Variants in TMEM117 observed in about 807,000 individuals in gnomAD.
The protein encoded by TMEM117 is transmembrane protein 117.
Under a neutral mutation model 52.4 loss-of-function variants are expected in TMEM117, and 27 were observed. That is an observed-to-expected ratio of 0.51 (90% CI 0.38 to 0.71). TMEM117 has a LOEUF of 0.71. Ranked by LOEUF, TMEM117 falls within the 30% of genes least tolerant of loss-of-function variation. TMEM117 has a pLI of 0.00. For synonymous variants in TMEM117, 215 were observed against 206.3 expected (o/e 1.04, Z -0.36); for missense variants, 556 against 630.5 (o/e 0.88, Z 1.26).
chr12:43,965,046 A>G (rs1460089866), intron 3 of TMEM117, among the ~76,000 whole-genome samples: 2 of 152,192 alleles, frequency 1.3e-5, no homozygotes, highest in African/African-American at 4.8e-5. Context: ...AGAGGCTCCA[A>G]CTGTGGCTGA....
At chr12:44,068,873 A>G (rs1947260349) in intron 3 of TMEM117, among the ~76,000 whole-genome samples, 1 of 152,202 alleles carries the variant, frequency 6.6e-6, no homozygotes, top group African/African-American at 2.4e-5. Context: ...ACAATGAAGT[A>G]AAGCACAATA....
At chr12:43,992,117 C>T (rs575255030) in intron 3 of TMEM117, among the ~76,000 whole-genome samples, 4 of 151,560 alleles carry the variant, frequency 2.6e-5, no homozygotes, top group South Asian at 2.1e-4. Flanking sequence ...GAGGTAAGAT[C>T]GCACCACTGC....
intron 5 of TMEM117, among the ~76,000 whole-genome samples, chr12:44,238,680 C>A (rs545162931): frequency 1.3e-5 from 2 of 152,258 alleles, no homozygotes; most frequent in East Asian, 3.9e-4. Context: ...CAAAACTCAA[C>A]CCAGTTGCAA....
At chr12:43,852,993 A>G (rs1286453472) in intron 2 of TMEM117, among the ~76,000 whole-genome samples, 1 of 152,370 alleles carries the variant, frequency 6.6e-6, no homozygotes, top group South Asian at 2.1e-4. Flanking sequence ...AGGCCACCTC[A>G]GAATGAGTTG....
chr12:44,120,387 T>C (rs1948213962), intron 3 of TMEM117, among the ~76,000 whole-genome samples: 1 of 152,144 alleles, frequency 6.6e-6, no homozygotes, highest in Admixed American at 6.5e-5. Context: ...AGCTTGACTA[T>C]AATAATAGTA....
intron 6 of TMEM117, among the ~76,000 whole-genome samples, chr12:44,332,439 T>C (rs1951283520): frequency 6.6e-6 from 1 of 152,038 alleles, no homozygotes; most frequent in African/African-American, 2.4e-5. Context: ...CCAAGTGGGC[T>C]TATTTAAGCC....
At chr12:43,931,028 T>C (rs1418369454) in intron 2 of TMEM117, among the ~76,000 whole-genome samples, 1 of 152,162 alleles carries the variant, frequency 6.6e-6, no homozygotes, top group Non-Finnish European at 1.5e-5. Context: ...CTCTTGACTC[T>C]TCACTGAGTA....
At chr12:44,304,886 A>G in intron 6 of TMEM117, among the ~76,000 whole-genome samples, 1 of 152,158 alleles carries the variant, frequency 6.6e-6, no homozygotes, top group East Asian at 1.9e-4. Flanking sequence ...AAACATCCCC[A>G]CCTGTGGTGG....
intron 2 of TMEM117, among the ~76,000 whole-genome samples, chr12:43,894,459 CAT>C (rs914403560): frequency 5.9e-5 from 9 of 151,888 alleles, no homozygotes; most frequent in Non-Finnish European, 7.4e-5. Context: ...CATAGGTAAA[CAT>C]GTGTCATGGG....
chr12:43,963,248 G>A (rs541961612), intron 3 of TMEM117, among the ~76,000 whole-genome samples: 2 of 151,528 alleles, frequency 1.3e-5, no homozygotes, highest in Non-Finnish European at 2.9e-5. Flanking sequence ...CTATGTGTAT[G>A]TGTAATATCC....
intron 5 of TMEM117, among the ~76,000 whole-genome samples, chr12:44,259,549 G>A (rs1193550332): frequency 6.6e-6 from 1 of 151,962 alleles, no homozygotes; most frequent in Non-Finnish European, 1.5e-5. Flanking sequence ...GAATGATGAT[G>A]GTCATTACGA....
chr12:44,221,145 G>A (rs1949782878), intron 5 of TMEM117, among the ~76,000 whole-genome samples: 1 of 152,080 alleles, frequency 6.6e-6, no homozygotes. Flanking sequence ...AGTTATCAGT[G>A]ATAAGTCATG....
intron 5 of TMEM117, among the ~76,000 whole-genome samples, chr12:44,280,965 G>A (rs1950569987): frequency 6.6e-6 from 1 of 152,162 alleles, no homozygotes; most frequent in South Asian, 2.1e-4. Context: ...CCAATCACAA[G>A]TGCTGTCATG....
At chr12:44,278,238 C>T (rs943932731) in intron 5 of TMEM117, among the ~76,000 whole-genome samples, 6 of 152,098 alleles carry the variant, frequency 3.9e-5, no homozygotes, top group Non-Finnish European at 4.4e-5. Flanking sequence ...ATAGGTTCTA[C>T]TCAGGATTAA....
chr12:44,311,869 A>ATATATATGTATATATGTATATATG lies in TMEM117; in HGVS notation c.768+12153_768+12154insGTATATATGTATATATGTATATAT, dbSNP rs1223933186. Among the ~76,000 whole-genome samples the ATATATATGTATATATGTATATATG allele has an allele frequency of 5.3e-4, 37 of 70,224 alleles. 1 individual carries two copies. The highest frequency in any genetic ancestry group is 2.1e-3 in the African/African-American group (33 of 16,022). The allele number at this position is 70,224 out of a possible 152,430, so 46.1% of individuals were successfully genotyped here. On this transcript the variant is annotated intron_variant, in intron 6 of 7. Transcript: ENST00000266534. ...TATATGTATATATGTATATATATGT[A>ATATATATGTATATATGTATATATG]TATATATGTATATATGTATATATAT... is the stretch of plus-strand genomic sequence containing the variant.
intron 2 of TMEM117, among the ~76,000 whole-genome samples, chr12:43,849,347 T>TTTGG (rs1943266093): frequency 6.6e-6 from 1 of 152,198 alleles, no homozygotes; most frequent in South Asian, 2.1e-4. Flanking sequence ...AAATATCCAG[T>TTTGG]TTGGAGAAAA....
chr12:44,177,544 G>A (rs1247085738), intron 4 of TMEM117, among the ~76,000 whole-genome samples: 1 of 152,142 alleles, frequency 6.6e-6, no homozygotes, highest in East Asian at 1.9e-4. Context: ...TCAGTTAATG[G>A]TGGTGAGCTG....
the TMEM117 span, among the ~76,000 whole-genome samples, chr12:43,827,763 G>A: frequency 1.3e-5 from 2 of 152,164 alleles, no homozygotes; most frequent in East Asian, 3.8e-4. Context: ...TGTCCACTTG[G>A]AACCTCAGAA....
chr12:44,352,602 A>G (rs1161261567), intron 6 of TMEM117, among the ~76,000 whole-genome samples: 3 of 152,188 alleles, frequency 2.0e-5, no homozygotes, highest in Admixed American at 6.5e-5. Flanking sequence ...AGCTTCATCC[A>G]TGTCCCTACA....
Sources: gnomAD v4.1 joint callset for allele counts (sites outside exome capture counted in the v4.1 genomes callset) on GRCh38, gnomAD v4.1.1 for gene constraint, MANE v1.5 for transcripts, NCBI Gene and HGNC (gene_info 2026-07-23, HGNC 2026-07-21) for gene names.